Variants in AFF3 observed in about 807,000 individuals in gnomAD.
AFF3 encodes AF4/FMR2 family member 3.
In AFF3, 32 loss-of-function variants were observed where a neutral mutation model predicts 129.7. That is an observed-to-expected ratio of 0.25 (90% CI 0.19 to 0.33). The LOEUF is 0.33. Among genes scored for constraint, AFF3 ranks in the 10% least tolerant of loss-of-function variants. AFF3 has a pLI of 1.00. For synonymous variants in AFF3, 644 were observed against 635.4 expected (o/e 1.01, Z -0.20); for missense variants, 1,373 against 1,592.0 (o/e 0.86, Z 2.34).
intron 13 of AFF3, among the ~76,000 whole-genome samples, chr2:99,622,000 G>A (rs1425079980): frequency 6.6e-6 from 1 of 152,172 alleles, no homozygotes; most frequent in Non-Finnish European, 1.5e-5. Context: ...GGGTGATAAG[G>A]AAGAGAGCTG....
chr2:99,906,514 C>G (rs111272640), intron 7 of AFF3, among the ~76,000 whole-genome samples: 1,922 of 152,202 alleles, frequency 0.013, 44 homozygotes, highest in African/African-American at 0.044. Context: ...CAATCCAGGT[C>G]TTTCTGTGAA....
chr2:99,657,961 C>T (rs1685897594), intron 12 of AFF3, among the ~76,000 whole-genome samples: 1 of 152,190 alleles, frequency 6.6e-6, no homozygotes. Context: ...GAGAGACATA[C>T]TTATTTTTTT....
intron 13 of AFF3, among the ~76,000 whole-genome samples, chr2:99,611,899 A>T (rs929247656): frequency 7.3e-5 from 11 of 151,248 alleles, no homozygotes; most frequent in African/African-American, 1.7e-4. Context: ...AAAAAAAAAA[A>T]TTTATTCTTG....
At chr2:99,587,070 C>T in intron 16 of AFF3, 84 bp downstream of exon 16, 2 of 1,573,610 alleles carry the variant, frequency 1.3e-6, no homozygotes, top group East Asian at 2.3e-5. Context: ...CCTCAAAAAG[C>T]CTGACCCTCC....
Position 99,582,875 on chromosome 2 carries a change from T to C in AFF3, c.2716A>G (p.Ser906Gly). ...CTGGAAGAGGCTGAAGTAAACAAAC[T>C]GTTGCCATTAGGTCGGCTGGAAGAA... is the stretch of plus-strand genomic sequence containing the variant. ...LTSSSRPNGN[S>G]LFTSASSSKK... The change falls in exon 17 of 25, where the codon AGT becomes GGT. Residue 906 changes from serine (S) to glycine (G), a missense_variant. By Grantham distance (56) the Ser-to-Gly change is moderately conservative. Coordinates refer to ENST00000672756, the MANE Select transcript of AFF3 (RefSeq NM_001386135.1). The C allele has an allele frequency of 6.2e-7, 1 of 1,614,206 alleles. No homozygotes were observed. The highest frequency in any genetic ancestry group is 1.3e-5 in the African/African-American group (1 of 75,050).
At chr2:99,672,428 C>T (rs1202406570) in intron 12 of AFF3, 110 bp downstream of exon 12, 31 of 980,410 alleles carry the variant, frequency 3.2e-5, no homozygotes, top group Non-Finnish European at 4.7e-5. Flanking sequence ...AGACAAAAGA[C>T]CAGCAGCCTG....
At chr2:99,684,219 G>A (rs1007233358) in intron 11 of AFF3, among the ~76,000 whole-genome samples, 18 of 152,164 alleles carry the variant, frequency 1.2e-4, no homozygotes, top group African/African-American at 4.3e-4. Context: ...CTGCCTCCTT[G>A]TTCAGGACAG....
chr2:99,582,739 G>T, intron 17 of AFF3, 59 bp downstream of exon 17: 1 of 1,568,816 alleles, frequency 6.4e-7, no homozygotes, highest in Non-Finnish European at 8.8e-7. Flanking sequence ...TAGAGACAGA[G>T]CTTGGGGGTG....
chr2:99,565,763 A>G lies in AFF3; in HGVS notation c.2983-140T>C, dbSNP rs939958228. The G allele has an allele frequency of 3.1e-6, 3 of 958,160 alleles. No individual in the cohort carries two copies. In the African/African-American group the frequency reaches 4.9e-5, roughly 16 times the overall value. 59.4% of individuals were successfully genotyped at this position (958,160 alleles called of 1,614,324 possible). Reference sequence around the variant, plus strand: ...TGAAGCTGAGAGAAGAAAGAAATAGAATACTTCTTTTCCTACTTATTTTCT... The same window carrying G: ...TGAAGCTGAGAGAAGAAAGAAATAGGATACTTCTTTTCCTACTTATTTTCT... On this transcript the variant is annotated intron_variant, in intron 19 of 24. Coordinates refer to ENST00000672756, the MANE Select transcript of AFF3 (RefSeq NM_001386135.1).
intron 11 of AFF3, among the ~76,000 whole-genome samples, chr2:99,716,565 A>T (rs1167855339): frequency 6.6e-6 from 1 of 151,420 alleles, no homozygotes; most frequent in African/African-American, 2.4e-5. Flanking sequence ...TTATCAGGTA[A>T]AAAAGCTGTC....
intron 7 of AFF3, among the ~76,000 whole-genome samples, chr2:99,990,175 CAACTGA>C (rs1680213498): frequency 6.6e-6 from 1 of 152,170 alleles, no homozygotes; most frequent in African/African-American, 2.4e-5. Context: ...AGCCCACTCA[CAACTGA>C]GTTCGAGGAG....
intron 7 of AFF3, among the ~76,000 whole-genome samples, chr2:99,853,632 T>C (rs970038311): frequency 1.6e-4 from 17 of 108,770 alleles, no homozygotes; most frequent in African/African-American, 4.7e-4. Flanking sequence ...TTGATGCTGT[T>C]ATTATCTACA....
chr2:99,812,173 C>T (rs1156398205), intron 8 of AFF3, among the ~76,000 whole-genome samples: 1 of 152,186 alleles, frequency 6.6e-6, no homozygotes, highest in Non-Finnish European at 1.5e-5. Context: ...CAGGTTCAGA[C>T]ATCCAGAGCC....
chr2:100,030,045 C>T (rs1004320989), intron 4 of AFF3, among the ~76,000 whole-genome samples: 9 of 150,590 alleles, frequency 6.0e-5, no homozygotes, highest in African/African-American at 1.7e-4. Context: ...CCATCCTGGG[C>T]GAGAGAGCAA....
rs556197706 is a variant in AFF3, at chr2:99,614,261, T to C, written c.1185-12640A>G. Among the ~76,000 whole-genome samples, 11 of 152,356 alleles carry C rather than the reference T, an allele frequency of 7.2e-5. No individual in the cohort carries two copies. In the South Asian group the frequency reaches 2.3e-3, roughly 32 times the overall value. On this transcript the variant is annotated intron_variant, in intron 13 of 24. Coordinates refer to ENST00000672756, the MANE Select transcript of AFF3 (RefSeq NM_001386135.1). ...ATAAAAGTCAACAGAACCTGCCACA[T>C]TTAGCAGAGGAGAAACTCAGTAATA...
intron 7 of AFF3, among the ~76,000 whole-genome samples, chr2:99,889,138 T>A (rs1036340136): frequency 2.8e-4 from 42 of 152,314 alleles, no homozygotes; most frequent in South Asian, 4.1e-4. Flanking sequence ...ATTTTTTTTT[T>A]AAATTTTATA....
At chr2:99,614,754 GC>G (rs1174770552) in intron 13 of AFF3, among the ~76,000 whole-genome samples, 2 of 152,182 alleles carry the variant, frequency 1.3e-5, no homozygotes, top group African/African-American at 4.8e-5. Flanking sequence ...TCAGGGTTCA[GC>G]CCTGCTTTTG....
chr2:99,955,688 CAG>C (rs1317620395), intron 7 of AFF3, among the ~76,000 whole-genome samples: 1 of 152,076 alleles, frequency 6.6e-6, no homozygotes, highest in African/African-American at 2.4e-5. Flanking sequence ...GAAAGAGTGA[CAG>C]AATATATTTT....
intron 7 of AFF3, among the ~76,000 whole-genome samples, chr2:99,842,588 A>C (rs1689396965): frequency 6.6e-6 from 1 of 152,182 alleles, no homozygotes; most frequent in African/African-American, 2.4e-5. Context: ...TTGAACCTCC[A>C]ACTAAACTTC....
Sources: gnomAD v4.1 joint callset for allele counts (sites outside exome capture counted in the v4.1 genomes callset) on GRCh38, gnomAD v4.1.1 for gene constraint, MANE v1.5 for transcripts, NCBI Gene and HGNC (gene_info 2026-07-23, HGNC 2026-07-21) for gene names.